The following WDR7 variants were observed in gnomAD, a reference collection of about 807,000 sequenced individuals.
The protein encoded by WDR7 is WD repeat-containing protein 7.
Under a neutral mutation model 169.4 loss-of-function variants are expected in WDR7, and 46 were observed. The ratio of observed to expected loss-of-function variants is 0.27; its 90% CI spans 0.21 to 0.35. WDR7 has a LOEUF of 0.35. Ranked by LOEUF, WDR7 falls within the 10% of genes least tolerant of loss-of-function variation. The pLI, the probability that WDR7 is intolerant of heterozygous loss-of-function variation, is 1.00. For synonymous variants in WDR7, 612 were observed against 666.8 expected, an observed-to-expected ratio of 0.92 and a Z score of 1.27; for missense variants, 1,534 against 1,859.3, an observed-to-expected ratio of 0.83 and a Z score of 3.22.
chr18:56,974,812 C>G (rs189073623), intron 26 of WDR7, among the ~76,000 whole-genome samples: 7 of 152,270 alleles, frequency 4.6e-5, no homozygotes, highest in Admixed American at 4.6e-4. Context: ...TATTTACAAT[C>G]TGGCAGGAAA....
At chr18:57,030,860 T>C (rs1174212657), downstream of WDR7, 5 of 136,394 alleles carry the variant, frequency 3.7e-5, no homozygotes, top group African/African-American at 1.4e-4. Flanking sequence ...AAATTAGATG[T>C]TCAGTTCTTT....
At chr18:56,866,658 C>T (rs1407294254) in intron 20 of WDR7, among the ~76,000 whole-genome samples, 1 of 152,016 alleles carries the variant, frequency 6.6e-6, no homozygotes, top group Non-Finnish European at 1.5e-5. Context: ...ATATTAAATT[C>T]TTGCTTTGGA....
intron 27 of WDR7, among the ~76,000 whole-genome samples, chr18:57,022,075 T>A (rs2048300536): frequency 8.5e-5 from 13 of 152,200 alleles, no homozygotes; most frequent in Admixed American, 7.9e-4. Flanking sequence ...TAAACTCCCT[T>A]TATCAGAGAT....
intron 1 of WDR7, among the ~76,000 whole-genome samples, chr18:56,667,589 A>G (rs574075174): frequency 1.3e-5 from 2 of 152,174 alleles, no homozygotes; most frequent in East Asian, 3.9e-4. Flanking sequence ...TCCATGATGG[A>G]ATCTAAATTG....
At chr18:56,965,805 A>T (rs1173336826) in intron 26 of WDR7, among the ~76,000 whole-genome samples, 1 of 152,136 alleles carries the variant, frequency 6.6e-6, no homozygotes, top group Non-Finnish European at 1.5e-5. Flanking sequence ...GATTTAAAAC[A>T]TTATAGTATA....
chr18:56,774,343 T>C (rs1445787582), intron 16 of WDR7, among the ~76,000 whole-genome samples: 1 of 152,110 alleles, frequency 6.6e-6, no homozygotes, highest in Non-Finnish European at 1.5e-5. Flanking sequence ...GATGTGTGCA[T>C]ATACACGTTG....
intron 26 of WDR7, among the ~76,000 whole-genome samples, chr18:56,985,081 A>G (rs2047695272): frequency 6.6e-6 from 1 of 152,200 alleles, no homozygotes; most frequent in Non-Finnish European, 1.5e-5. Context: ...TCTGGGAGCC[A>G]ACTGATTCAG....
intron 1 of WDR7, among the ~76,000 whole-genome samples, chr18:56,658,104 T>C (rs2024818410): frequency 6.6e-6 from 1 of 152,122 alleles, no homozygotes. Context: ...CTTTGTTTTT[T>C]TGTTTTGTTT....
downstream of WDR7, chr18:57,034,152 G>A (rs988139881): frequency 1.3e-5 from 2 of 151,990 alleles, no homozygotes; most frequent in Non-Finnish European, 2.9e-5. Context: ...CTGGGTGACA[G>A]AGACTCAGCA....
At chr18:56,828,850 G>C (rs1467423311) in intron 20 of WDR7, among the ~76,000 whole-genome samples, 1 of 152,112 alleles carries the variant, frequency 6.6e-6, no homozygotes, top group African/African-American at 2.4e-5. Context: ...AGAACTAGTG[G>C]AGGATGTGTG....
At chr18:56,821,026 A>G (rs962340555) in intron 20 of WDR7, among the ~76,000 whole-genome samples, 1 of 152,160 alleles carries the variant, frequency 6.6e-6, no homozygotes, top group Non-Finnish European at 1.5e-5. Context: ...GTGTGTAGTA[A>G]TCCTCTCAGT....
intron 12 of WDR7, among the ~76,000 whole-genome samples, chr18:56,702,302 C>T (rs896296431): frequency 1.1e-4 from 17 of 152,110 alleles, no homozygotes; most frequent in African/African-American, 4.1e-4. Context: ...TTTAAAGAGT[C>T]TATTGTCCAA....
At chr18:56,679,265 C>T in intron 2 of WDR7, 67 bp from the exon 3 acceptor site, 3 of 1,315,686 alleles carry the variant, frequency 2.3e-6, no homozygotes, top group Non-Finnish European at 3.2e-6. Context: ...TATGGCTAAG[C>T]TGACACTCAA....
At chr18:56,936,073 AATTC>A in intron 23 of WDR7, 168 bp downstream of exon 23, 1 of 588,918 alleles carries the variant, frequency 1.7e-6, no homozygotes, top group Non-Finnish European at 2.9e-6. Flanking sequence ...ATGTACACTG[AATTC>A]CACGGTGTGG....
chr18:56,834,301 C>A (rs1399416953), intron 20 of WDR7, among the ~76,000 whole-genome samples: 2 of 152,114 alleles, frequency 1.3e-5, no homozygotes, highest in Non-Finnish European at 1.5e-5. Flanking sequence ...TGCTGTCGTC[C>A]ACTGGTTAGT....
chr18:56,856,403 A>T (rs1016800122), intron 20 of WDR7, among the ~76,000 whole-genome samples: 2 of 152,038 alleles, frequency 1.3e-5, no homozygotes, highest in African/African-American at 4.8e-5. Context: ...GCAAGGTAAC[A>T]CGTGCCTGTA....
chr18:56,891,254 T>G (rs913907070), intron 21 of WDR7, among the ~76,000 whole-genome samples: 4 of 152,170 alleles, frequency 2.6e-5, no homozygotes, highest in African/African-American at 9.7e-5. Context: ...CTTTAGGTAG[T>G]TCAGCCTTTT....
At chr18:57,029,937 G>A (rs1032065499), downstream of WDR7, 6 of 152,190 alleles carry the variant, frequency 3.9e-5, no homozygotes, top group African/African-American at 1.4e-4. Context: ...CTTATTCCCA[G>A]AGGACAGTAG....
At chr18:56,658,845 T>C (rs1012309855) in intron 1 of WDR7, among the ~76,000 whole-genome samples, 2 of 152,124 alleles carry the variant, frequency 1.3e-5, no homozygotes, top group Non-Finnish European at 2.9e-5. Flanking sequence ...CCTGAGTAGC[T>C]GGGACTACAG....
Sources: allele counts gnomAD v4.1 joint callset (sites outside exome capture counted in the v4.1 genomes callset), GRCh38; gene constraint gnomAD v4.1.1; transcripts MANE v1.5; gene names NCBI Gene and HGNC (gene_info 2026-07-23, HGNC 2026-07-21).